COG6: variants seen among roughly 807,000 people sequenced by gnomAD.
COG6 encodes the protein conserved oligomeric Golgi complex subunit 6.
Under a neutral mutation model 88.8 loss-of-function variants are expected in COG6, and 74 were observed. The ratio of observed to expected loss-of-function variants is 0.83; its 90% CI spans 0.69 to 1.01. The LOEUF (loss-of-function observed/expected upper bound fraction) is 1.01. Among genes scored for constraint, COG6 ranks in the 50% least tolerant of loss-of-function variants. The pLI, the probability that COG6 is intolerant of heterozygous loss-of-function variation, is 0.00. For missense variants in COG6, 800 were observed against 797.9 expected, an observed-to-expected ratio of 1.00 and a Z score of -0.03; for synonymous variants, 286 against 278.7, an observed-to-expected ratio of 1.03 and a Z score of -0.26.
chr13:39,655,687 C>T lies in COG6; in HGVS notation c.-40C>T. On this transcript the variant is annotated 5_prime_UTR_variant, in exon 1 of 19. Coordinates refer to ENST00000455146, the MANE Select transcript of COG6 (RefSeq NM_020751.3). The stretch of plus-strand genomic sequence containing the variant: ...ACTCGCGCTGCCTCCGTGGTCCCTG[C>T]CTGGCTGAGGTGGCAGCAGGGGGCG... 1 of 1,555,396 alleles carries T rather than the reference C, an allele frequency of 6.4e-7. No homozygotes were observed.
intron 17 of COG6, among the ~76,000 whole-genome samples, chr13:39,725,321 C>T (rs1165196902): frequency 1.3e-5 from 2 of 151,950 alleles, no homozygotes; most frequent in African/African-American, 4.8e-5. Context: ...CCCATTCAAT[C>T]CAGGAAGTTG....
At chr13:39,721,892 GT>G (rs1314913675) in intron 15 of COG6, among the ~76,000 whole-genome samples, 1 of 151,936 alleles carries the variant, frequency 6.6e-6, no homozygotes, top group Admixed American at 6.6e-5. Flanking sequence ...GAGTTTATAT[GT>G]TTTCCCAGGA....
chr13:39,769,768 A>G (rs902687217), intron 18 of COG6, among the ~76,000 whole-genome samples: 3 of 151,928 alleles, frequency 2.0e-5, no homozygotes, highest in Non-Finnish European at 4.4e-5. Context: ...ATGTGGCTGG[A>G]TCCCTCATGA....
intron 13 of COG6, among the ~76,000 whole-genome samples, chr13:39,708,865 T>TG (rs1166711353): frequency 1.2e-4 from 19 of 152,302 alleles, no homozygotes; most frequent in African/African-American, 4.6e-4. Flanking sequence ...AATAATTGGT[T>TG]GTCTTAGTAC....
chr13:39,659,143 G>T (rs1874724832), intron 1 of COG6, among the ~76,000 whole-genome samples: 1 of 151,938 alleles, frequency 6.6e-6, no homozygotes, highest in Non-Finnish European at 1.5e-5. Flanking sequence ...CAACAATTCT[G>T]CAGTGAATAA....
chr13:39,713,196 T>C (rs1878333606), intron 13 of COG6, among the ~76,000 whole-genome samples: 1 of 152,164 alleles, frequency 6.6e-6, no homozygotes, highest in East Asian at 1.9e-4. Context: ...TCTACACAGC[T>C]TAAAGCTTAT....
chr13:39,713,040 A>G (rs903569705), intron 13 of COG6, among the ~76,000 whole-genome samples: 1 of 152,228 alleles, frequency 6.6e-6, no homozygotes, highest in African/African-American at 2.4e-5. Context: ...TAAGATTTCT[A>G]TGAATAGCTC....
intron 18 of COG6, among the ~76,000 whole-genome samples, chr13:39,764,379 T>G (rs999737654): frequency 6.6e-6 from 1 of 151,766 alleles, no homozygotes; most frequent in African/African-American, 2.4e-5. Flanking sequence ...TTGCTCTATA[T>G]TTTTCCTTCC....
At position 39,785,511 on chromosome 13, in the gene COG6, C is replaced by T. The variant is rs528421981; in HGVS notation, c.1827-2824C>T. 3 of 152,262 alleles carry T rather than the reference C, an allele frequency of 2.0e-5. No individual in the cohort carries two copies. The South Asian group carries it at 6.2e-4, about 32-fold the overall frequency. 9.4% of individuals were successfully genotyped at this position (152,262 alleles called of 1,614,324 possible). On this transcript the variant is annotated intron_variant, in intron 18 of 18. Transcript: ENST00000416691. ...ATAACCCACTACCATCAGACCAGCC[C>T]TTCTCAGATTGAAAATTAACTTATG...
At chr13:39,683,780 CTTTG>C (rs773686323) in intron 8 of COG6, among the ~76,000 whole-genome samples, 4 of 151,172 alleles carry the variant, frequency 2.6e-5, no homozygotes, top group East Asian at 3.9e-4. Context: ...TTTTGGGCAC[CTTTG>C]TTTGTTTTCA....
chr13:39,712,539 A>T (rs1288543257), intron 13 of COG6, among the ~76,000 whole-genome samples: 1 of 152,250 alleles, frequency 6.6e-6, no homozygotes, highest in Non-Finnish European at 1.5e-5. Context: ...GATATCCATT[A>T]TGCTTAAAAC....
intron 13 of COG6, among the ~76,000 whole-genome samples, chr13:39,702,878 A>G (rs977715534): frequency 1.3e-5 from 2 of 152,120 alleles, no homozygotes; most frequent in Non-Finnish European, 2.9e-5. Flanking sequence ...ATTTTCTTAT[A>G]TACCAGCTCA....
At chr13:39,697,459 G>A (rs1159480062) in intron 12 of COG6, among the ~76,000 whole-genome samples, 4 of 151,896 alleles carry the variant, frequency 2.6e-5, no homozygotes. Flanking sequence ...ATAGAATCCA[G>A]GAAACAGGGA....
At chr13:39,683,852 CT>C (rs1480420223) in intron 8 of COG6, among the ~76,000 whole-genome samples, 2 of 151,948 alleles carry the variant, frequency 1.3e-5, no homozygotes, top group Non-Finnish European at 2.9e-5. Context: ...TTTATCAAAA[CT>C]TGGAAAGGAG....
At chr13:39,662,044 A>G (rs1378532247) in intron 3 of COG6, among the ~76,000 whole-genome samples, 1 of 151,850 alleles carries the variant, frequency 6.6e-6, no homozygotes, top group Non-Finnish European at 1.5e-5. Context: ...AGATTTAAAT[A>G]TAAAAAGATC....
chr13:39,672,650 A>G lies in COG6; in HGVS notation c.429-4818A>G, dbSNP rs114435073. 6.4e-3 allele frequency among the ~76,000 whole-genome samples: 971 copies of G among 152,186 alleles called. 12 individuals are homozygous for G. Among genetic ancestry groups the G allele is most frequent in the African/African-American group, 0.022 (906 of 41,540 alleles). On this transcript the variant is annotated intron_variant, in intron 4 of 18. Coordinates refer to ENST00000455146, the MANE Select transcript of COG6 (RefSeq NM_020751.3). Reference sequence around the variant, plus strand: ...ATTTTGTTCACCCGCTCACTAGTTGATAGACATTTGGGTTATTTCCACTAT... The same window carrying G: ...ATTTTGTTCACCCGCTCACTAGTTGGTAGACATTTGGGTTATTTCCACTAT...
In COG6 at chr13:39,655,684, C is replaced by G. The variant is rs374821573; in HGVS notation, c.-43C>G. 1.3e-6 allele frequency: 2 copies of G among 1,555,050 alleles called. No individual in the cohort carries two copies. Among genetic ancestry groups the G allele is most frequent in the Non-Finnish European group, 1.7e-6 (2 of 1,150,082 alleles). On this transcript the variant is annotated 5_prime_UTR_variant, in exon 1 of 19. Coordinates refer to ENST00000455146, the MANE Select transcript of COG6 (RefSeq NM_020751.3). ...AATACTCGCGCTGCCTCCGTGGTCC[C>G]TGCCTGGCTGAGGTGGCAGCAGGGG... is the stretch of plus-strand genomic sequence containing the variant.
chr13:39,704,304 C>T (rs775256282), intron 13 of COG6, among the ~76,000 whole-genome samples: 1 of 152,108 alleles, frequency 6.6e-6, no homozygotes, highest in Non-Finnish European at 1.5e-5. Context: ...GTGTGACTTT[C>T]GACTCTCAAA....
intron 13 of COG6, among the ~76,000 whole-genome samples, chr13:39,712,412 C>T (rs373312913): frequency 6.6e-6 from 1 of 152,110 alleles, no homozygotes; most frequent in South Asian, 2.1e-4. Flanking sequence ...TGTTTAGTCC[C>T]TTGGTATTTC....
Sources: gnomAD v4.1 joint callset for allele counts (sites outside exome capture counted in the v4.1 genomes callset) on GRCh38, gnomAD v4.1.1 for gene constraint, MANE v1.5 for transcripts, NCBI Gene and HGNC (gene_info 2026-07-23, HGNC 2026-07-21) for gene names.